AIG1: variants seen among roughly 807,000 people sequenced by gnomAD.
AIG1 encodes androgen-induced gene 1 protein.
A neutral mutation model predicts 31.4 loss-of-function variants in AIG1; 23 were observed. The ratio of observed to expected loss-of-function variants is 0.73; its 90% CI spans 0.53 to 1.04. AIG1 has a LOEUF of 1.04. AIG1 is among the 50% of genes least tolerant of loss of function. The probability of loss-of-function intolerance (pLI) is 0.00; values close to 1 mark genes in which losing one functional copy is unlikely to be tolerated. For synonymous variants in AIG1, 100 were observed against 110.5 expected (o/e 0.90, Z 0.60); for missense variants, 274 against 295.0 (o/e 0.93, Z 0.52).
chr6:143,296,066 C>T (rs1282277917), intron 4 of AIG1, among the ~76,000 whole-genome samples: 1 of 152,066 alleles, frequency 6.6e-6, no homozygotes, highest in African/African-American at 2.4e-5. Context: ...CATACACACA[C>T]ACCCACACAC....
chr6:143,311,824 C>CA lies in AIG1; in HGVS notation c.516-21451dup, dbSNP rs546218953. 6.3e-4 allele frequency among the ~76,000 whole-genome samples: 95 copies of CA among 151,924 alleles called. 1 individual carries two copies. In the East Asian group the frequency reaches 0.015, roughly 24 times the overall value. ...GTTTGGAAAAACCTAAAGACTCCAA[C>CA]AAAAAAACTGTTAGAAGTGATAAAC... On this transcript the variant is annotated intron_variant, in intron 4 of 5. Coordinates refer to ENST00000357847, the MANE Select transcript of AIG1 (RefSeq NM_016108.4).
intron 3 of AIG1, among the ~76,000 whole-genome samples, chr6:143,176,763 A>C (rs2128580145): frequency 6.6e-6 from 1 of 152,380 alleles, no homozygotes; most frequent in East Asian, 1.9e-4. Context: ...AGCAGTGCTG[A>C]GAACTTGCCC....
At chr6:143,127,203 C>T (rs551854593) in intron 1 of AIG1, among the ~76,000 whole-genome samples, 1 of 152,080 alleles carries the variant, frequency 6.6e-6, no homozygotes, top group East Asian at 1.9e-4. Context: ...ATGGTTTTAT[C>T]CTCATATGGG....
Position 143,340,590 on chromosome 6 carries a change from A to G in AIG1, c.*914A>G, listed in dbSNP as rs1049501430. Among the ~76,000 whole-genome samples the G allele has an allele frequency of 1.3e-5, 2 of 151,974 alleles. No homozygotes were observed. The highest frequency in any genetic ancestry group is 2.9e-5 in the Non-Finnish European group (2 of 68,000). On this transcript the variant is annotated 3_prime_UTR_variant, in exon 6 of 6. Transcript: ENST00000357847. Reference sequence around the variant, plus strand: ...ATTCTCCTGCCTTCTCAGCCTCCCGAGTAGCTGGGACTACAGGCGCCTGCC... The same window carrying G: ...ATTCTCCTGCCTTCTCAGCCTCCCGGGTAGCTGGGACTACAGGCGCCTGCC...
At chr6:143,065,125 A>G (rs1776581049) in intron 1 of AIG1, among the ~76,000 whole-genome samples, 1 of 152,174 alleles carries the variant, frequency 6.6e-6, no homozygotes, top group African/African-American at 2.4e-5. Context: ...GAATGTTGTA[A>G]TGTTGGTTAA....
chr6:143,125,497 A>G (rs1170732461), intron 1 of AIG1, among the ~76,000 whole-genome samples: 4 of 152,252 alleles, frequency 2.6e-5, no homozygotes, highest in African/African-American at 4.8e-5. Flanking sequence ...AACTATGTAA[A>G]AATCTTTAAG....
chr6:143,247,230 C>G (rs572627307), intron 3 of AIG1, among the ~76,000 whole-genome samples: 19 of 152,300 alleles, frequency 1.2e-4, no homozygotes, highest in Admixed American at 6.5e-4. Flanking sequence ...CTCCTGGGTT[C>G]AGGCGATTCC....
Position 143,280,318 on chromosome 6 carries a change from C to T in AIG1, c.400-3792C>T. 6.6e-6 allele frequency among the ~76,000 whole-genome samples: 1 copy of T among 152,170 alleles called. No individual in the cohort carries two copies. The highest frequency in any genetic ancestry group is 2.1e-4 in the South Asian group (1 of 4,828). ...CATTGTTGAAGGCAATATGACGATTCCTCAAAGAGCTAAAAGTAGAACTAC... is the reference window on the plus strand; with the variant it reads ...CATTGTTGAAGGCAATATGACGATTTCTCAAAGAGCTAAAAGTAGAACTAC... On this transcript the variant is annotated intron_variant, in intron 3 of 5. Transcript: ENST00000357847. The surrounding 1 kb of genome is among the most constrained non-coding windows in gnomAD (Gnocchi z 4.1).
At chr6:143,109,050 A>G (rs990115318) in intron 1 of AIG1, among the ~76,000 whole-genome samples, 2 of 152,172 alleles carry the variant, frequency 1.3e-5, no homozygotes, top group African/African-American at 2.4e-5. Context: ...TCATTCTTCA[A>G]TTCTACAGAT....
chr6:143,277,510 C>G (rs1797024034), intron 3 of AIG1, among the ~76,000 whole-genome samples: 1 of 152,210 alleles, frequency 6.6e-6, no homozygotes, highest in Non-Finnish European at 1.5e-5. Context: ...AACACACACG[C>G]ACATGCACAC....
chr6:143,243,514 C>T (rs1029529704), intron 3 of AIG1, among the ~76,000 whole-genome samples: 1 of 152,042 alleles, frequency 6.6e-6, no homozygotes, highest in Non-Finnish European at 1.5e-5. Context: ...AAAAATAACC[C>T]AATAAAGTAT....
At chr6:143,077,917 A>G (rs1341144584) in intron 1 of AIG1, among the ~76,000 whole-genome samples, 2 of 152,192 alleles carry the variant, frequency 1.3e-5, no homozygotes, top group Admixed American at 6.5e-5. Flanking sequence ...GTCTCTATCT[A>G]CTGATGAGGA....
At chr6:143,135,505 T>G (rs542203864) in intron 1 of AIG1, among the ~76,000 whole-genome samples, 35 of 152,160 alleles carry the variant, frequency 2.3e-4, no homozygotes, top group Non-Finnish European at 4.3e-4. Context: ...AGTCTTAGCT[T>G]CTTTTACTCT....
intron 1 of AIG1, among the ~76,000 whole-genome samples, chr6:143,067,755 G>T (rs1192217393): frequency 1.3e-5 from 2 of 152,172 alleles, no homozygotes; most frequent in Non-Finnish European, 2.9e-5. Flanking sequence ...ATTGCCACGT[G>T]AAGGCCAGTA....
chr6:143,212,937 C>T (rs932617196), intron 3 of AIG1, among the ~76,000 whole-genome samples: 3 of 152,192 alleles, frequency 2.0e-5, no homozygotes, highest in Admixed American at 6.5e-5. Flanking sequence ...TCTGCAAAGC[C>T]TGTGCTTATT....
chr6:143,228,638 C>T (rs1257129594), intron 3 of AIG1, among the ~76,000 whole-genome samples: 2 of 152,148 alleles, frequency 1.3e-5, no homozygotes, highest in Non-Finnish European at 2.9e-5. Flanking sequence ...TTTACTTGGA[C>T]AAACGAGAGG....
At position 143,077,867 on chromosome 6, in the gene AIG1, ATAT is replaced by A. The variant is rs1777875002; in HGVS notation, c.141+16804_141+16806del. ...ACTTTGGCTTTGAAGCCGCCACTTA[ATAT>A]TAACACTTGGTAGATGTAGTATGAC... On this transcript the variant is annotated intron_variant, in intron 1 of 5. Transcript: ENST00000357847. 3.3e-5 allele frequency among the ~76,000 whole-genome samples: 5 copies of A among 152,268 alleles called. No homozygotes were observed. In the South Asian group the frequency reaches 1.0e-3, roughly 32 times the overall value.
rs930366114 is a variant in AIG1, at chr6:143,333,869, G to T, written c.679+424G>T. ...ACCCAGATCTCCACTTTCTATGTGG[G>T]TGCAGTCACCTGGGAGAGGTCTTAC... is the stretch of plus-strand genomic sequence containing the variant. On this transcript the variant is annotated intron_variant, in intron 5 of 5. Transcript: ENST00000357847. The surrounding 1 kb of genome is among the most constrained non-coding windows in gnomAD (Gnocchi z 4.6). Among the ~76,000 whole-genome samples the T allele has an allele frequency of 3.7e-4, 56 of 152,088 alleles. No homozygotes were observed. The highest frequency in any genetic ancestry group is 1.2e-3 in the African/African-American group (48 of 41,428).
chr6:143,191,186 C>T (rs1789758844), intron 3 of AIG1, among the ~76,000 whole-genome samples: 1 of 152,140 alleles, frequency 6.6e-6, no homozygotes, highest in Non-Finnish European at 1.5e-5. Context: ...TAATCACGCA[C>T]ACTTAACTCT....
Sources: allele counts gnomAD v4.1 joint callset (sites outside exome capture counted in the v4.1 genomes callset), GRCh38; gene constraint gnomAD v4.1.1; non-coding constraint Gnocchi (gnomAD v3.1); transcripts MANE v1.5; gene names NCBI Gene and HGNC (gene_info 2026-07-23, HGNC 2026-07-21).